Variants in PIK3R2 observed in about 807,000 individuals in gnomAD.
PIK3R2 encodes the protein phosphoinositide-3-kinase regulatory subunit 2.
In PIK3R2, 40 loss-of-function variants were observed where a neutral mutation model predicts 78.5. The observed-to-expected ratio is 0.51, with a 90% CI of 0.40 to 0.66. PIK3R2 has a LOEUF of 0.66. PIK3R2 is among the 30% of genes least tolerant of loss of function. The pLI is 0.00. For missense variants in PIK3R2, 880 were observed against 1,026.6 expected, an observed-to-expected ratio of 0.86 and a Z score of 1.95; for synonymous variants, 473 against 457.7, an observed-to-expected ratio of 1.03 and a Z score of -0.43.
In PIK3R2 at chr19:18,160,531, T is replaced by C. The variant is rs749206374; in HGVS notation, c.383T>C (p.Leu128Pro). The C allele has an allele frequency of 1.2e-6, 2 of 1,613,830 alleles. No individual in the cohort carries two copies. Among genetic ancestry groups the C allele is most frequent in the Admixed American group, 3.3e-5 (2 of 60,004 alleles). The change falls in exon 3 of 16, where the codon CTG becomes CCG. Residue 128 changes from leucine to proline, a missense_variant. Physicochemically the swap from Leu to Pro is moderately conservative, Grantham distance 98. Transcript: ENST00000222254. ...CCACCTGATGTGGCTCCCCCTCTTCTGGTGAAGCTTGTGGAGGCCATTGAA... is the reference window on the plus strand; with the variant it reads ...CCACCTGATGTGGCTCCCCCTCTTCCGGTGAAGCTTGTGGAGGCCATTGAA... ...FSPPDVAPPL[L>P]VKLVEAIERT... is the part of the protein sequence containing the mutation.
In PIK3R2 at chr19:18,169,301, A is replaced by G. The variant is rs2147961054; in HGVS notation, c.*7A>G. 2.1e-6 allele frequency: 3 copies of G among 1,456,652 alleles called. No individual in the cohort carries two copies. The highest frequency in any genetic ancestry group is 2.7e-6 in the Non-Finnish European group (3 of 1,111,050). The allele number at this position is 1,456,652 out of a possible 1,614,324, so 90.2% of individuals were successfully genotyped here. On this transcript the variant is annotated 3_prime_UTR_variant, in exon 16 of 16. Transcript: ENST00000222254. ...GCCGCCTGCCGCCCGCTGAGCACCG[A>G]GGACCCGCCCCAAGCAGAGCCGCCC...
At position 18,163,014 on chromosome 19, in the gene PIK3R2, A is replaced by G. The variant is rs750258489; in HGVS notation, c.1157A>G (p.His386Arg). The G allele has an allele frequency of 5.0e-6, 8 of 1,613,782 alleles. No homozygotes were observed. The highest frequency in any genetic ancestry group is 1.7e-5 in the Admixed American group (1 of 59,968). The stretch of plus-strand genomic sequence containing the variant: ...ATCAAGGTCTTCCACCGAGATGGGC[A>G]CTATGGCTTCTCAGAGCCACTCACC... ...KLIKVFHRDG[H>R]YGFSEPLTFC... Residue 386 changes from histidine (H) to arginine (R), a missense_variant, in exon 10 of 16, where the codon CAC (histidine) becomes CGC (arginine). By Grantham distance (29) the His-to-Arg change is conservative. This residue lies in a region of PIK3R2 where 156 missense variants were observed against 241.0 expected (regional missense o/e 0.65). Coordinates refer to ENST00000222254, the MANE Select transcript of PIK3R2 (RefSeq NM_005027.4).
At chr19:18,157,381 G>A (rs1265791634) in intron 2 of PIK3R2, among the ~76,000 whole-genome samples, 8 of 151,688 alleles carry the variant, frequency 5.3e-5, no homozygotes, top group Admixed American at 5.2e-4. Context: ...ACGTGGGGCG[G>A]CTGCCCAGCC....
chr19:18,156,211 A>G lies in PIK3R2; in HGVS notation c.322+10A>G, dbSNP rs1263740425. ...GGGGCCCCTGAGCCAGGTGAGCAGC[A>G]AGCAGGGGCCCTGGAAAGGGGGGTG... On this transcript the variant is annotated intron_variant, in intron 2 of 15. Transcript: ENST00000222254. The surrounding 1 kb of genome is among the most constrained non-coding windows in gnomAD (Gnocchi z 4.2). The G allele has an allele frequency of 6.8e-7, 1 of 1,466,266 alleles. No individual in the cohort carries two copies. Among genetic ancestry groups the G allele is most frequent in the Non-Finnish European group, 9.0e-7 (1 of 1,115,238 alleles). 90.8% of individuals were successfully genotyped at this position (1,466,266 alleles called of 1,614,324 possible).
Position 18,161,991 on chromosome 19 carries a change from G to T in PIK3R2, c.841G>T (p.Ala281Ser), listed in dbSNP as rs773461293. Residue 281 changes from alanine (A) to serine (S), a missense_variant, in exon 7 of 16, where the codon GCG becomes TCG. By Grantham distance (99) the Ala-to-Ser change is moderately conservative. Around this residue, in one of 3 missense-constraint regions of PIK3R2, gnomAD observed 456 missense variants for 486.6 expected, o/e 0.94. Coordinates refer to ENST00000222254, the MANE Select transcript of PIK3R2 (RefSeq NM_005027.4). The surrounding 1 kb of genome is among the most constrained non-coding windows in gnomAD (Gnocchi z 5.3). ...DGSEPSPDFP[A>S]LLVEKLLQEH... The stretch of plus-strand genomic sequence containing the variant: ...GAGTGAGCCCAGCCCTGACTTCCCG[G>T]CGCTGCTGGTGGAGAAGCTGCTTCA... The T allele has an allele frequency of 6.2e-7, 1 of 1,614,006 alleles. No homozygotes were observed.
Position 18,168,762 on chromosome 19 carries a change from G to A in PIK3R2, c.1845G>A (p.Pro615=), listed in dbSNP as rs201568661. The A allele has an allele frequency of 1.4e-4, 213 of 1,549,024 alleles. No individual in the cohort carries two copies. In the Admixed American group the frequency reaches 2.0e-3, roughly 15 times the overall value. The part of the protein sequence containing the change: ...YALMEDEDDL[P]HHEERTWYVG... ...TCATGGAGGACGAGGACGATCTCCC[G>A]CACCACGAGGAACGCACTTGGTACG... The change falls in exon 15 of 16, where the codon CCG becomes CCA. Residue 615 remains proline (P), a synonymous_variant. Coordinates refer to ENST00000222254, the MANE Select transcript of PIK3R2 (RefSeq NM_005027.4). The surrounding 1 kb of genome is among the most constrained non-coding windows in gnomAD (Gnocchi z 4.1).
chr19:18,167,153 T>C lies in PIK3R2; in HGVS notation c.1583T>C (p.Leu528Pro). Residue 528 changes from leucine (L) to proline (P), a missense_variant, in exon 13 of 16, where the codon CTC becomes CCC. Around this residue, in one of 3 missense-constraint regions of PIK3R2, gnomAD observed 268 missense variants for 299.1 expected, o/e 0.90. Coordinates refer to ENST00000222254, the MANE Select transcript of PIK3R2 (RefSeq NM_005027.4). This position sits in a 1 kb window ranked among gnomAD's most constrained non-coding sequence, Gnocchi z 4.5. ...MQRILLNSERLKSRIAEIHES... is the reference protein window; with the variant it reads ...MQRILLNSERPKSRIAEIHES... ...AGGATCCTGCTGAACTCCGAGCGGCTCAAGTCCCGCATTGCCGAGATCCAT... is the reference window on the plus strand; with the variant it reads ...AGGATCCTGCTGAACTCCGAGCGGCCCAAGTCCCGCATTGCCGAGATCCAT... The C allele has an allele frequency of 6.3e-7, 1 of 1,597,932 alleles. No homozygotes were observed. The highest frequency in any genetic ancestry group is 8.5e-7 in the Non-Finnish European group (1 of 1,172,210).
In PIK3R2 at chr19:18,166,305, G is replaced by A; in HGVS notation, c.1559+3G>A. On this transcript the variant is annotated splice_donor_region_variant and intron_variant, in intron 12 of 15. Coordinates refer to ENST00000222254, the MANE Select transcript of PIK3R2 (RefSeq NM_005027.4). ...GGCAACGAGAAAGAGATGCAAAGGT[G>A]AGTCTGGCGCCTCTGCCCTGCCCCA... The A allele has an allele frequency of 1.2e-6, 2 of 1,613,564 alleles. No homozygotes were observed. Among genetic ancestry groups the A allele is most frequent in the South Asian group, 2.2e-5 (2 of 91,058 alleles).
Position 18,160,561 on chromosome 19 carries a change from C to G in PIK3R2, c.413C>G (p.Thr138Arg). ...LVKLVEAIER[T>R]GLDSESHYRP... ...AAGCTTGTGGAGGCCATTGAAAGGACAGGTAAGTTCCAGCCTGGCTGCAGC... is the reference window on the plus strand; with the variant it reads ...AAGCTTGTGGAGGCCATTGAAAGGAGAGGTAAGTTCCAGCCTGGCTGCAGC... The change falls in exon 3 of 16, where the codon ACA becomes AGA. Residue 138 changes from threonine (T) to arginine (R), a missense_variant and splice_region_variant. By Grantham distance (71) the Thr-to-Arg change is moderately conservative. Transcript: ENST00000222254. 4 of 1,611,176 alleles carry G rather than the reference C, an allele frequency of 2.5e-6. No individual in the cohort carries two copies. Among genetic ancestry groups the G allele is most frequent in the Non-Finnish European group, 3.4e-6 (4 of 1,177,706 alleles).
rs2043744576 is a variant in PIK3R2 at position 18,161,413 on chromosome 19, G to T, written c.733G>T (p.Ala245Ser). Residue 245 changes from alanine to serine, a missense_variant, in exon 6 of 16, where the codon GCC (alanine) becomes TCC (serine). Ala to Ser is a moderately conservative substitution (Grantham distance 99). This residue lies in a region of PIK3R2 where 456 missense variants were observed against 486.6 expected (regional missense o/e 0.94). Coordinates refer to ENST00000222254, the MANE Select transcript of PIK3R2 (RefSeq NM_005027.4). The surrounding 1 kb of genome is among the most constrained non-coding windows in gnomAD (Gnocchi z 5.3). ...CCCGGCCCTGGGTCCCGCGGTCCGG[G>T]CCCTGGGCGCCACCTTTGGGCCGCT... ...RAPALGPAVRALGATFGPLLL... is the reference protein window; with the variant it reads ...RAPALGPAVRSLGATFGPLLL... 1 of 1,213,014 alleles carries T rather than the reference G, an allele frequency of 8.2e-7. No individual in the cohort carries two copies. Among genetic ancestry groups the T allele is most frequent in the East Asian group, 3.6e-5 (1 of 28,020 alleles). 75.1% of individuals were successfully genotyped at this position (1,213,014 alleles called of 1,614,324 possible).
At position 18,155,888 on chromosome 19, in the gene PIK3R2, C is replaced by T. The variant is rs777038649; in HGVS notation, c.9C>T (p.Gly3=). The change falls in exon 2 of 16, where the codon GGC becomes GGT. Residue 3 remains glycine, a synonymous_variant. Transcript: ENST00000222254. ...ACCCCACTCACGCGGCCATGGCGGG[C>T]CCTGAGGGCTTCCAGTACCGCGCTC... MA[G]PEGFQYRALY... is the part of the protein sequence containing the mutation. The T allele has an allele frequency of 2.6e-6, 4 of 1,551,182 alleles. No homozygotes were observed. Among genetic ancestry groups the T allele is most frequent in the South Asian group, 2.4e-5 (2 of 84,176 alleles).
chr19:18,155,360 T>G (rs1204516018), intron 1 of PIK3R2, 97 bp from the exon 2 acceptor site: 1 of 351,868 alleles, frequency 2.8e-6, no homozygotes, highest in Non-Finnish European at 5.1e-6. Flanking sequence ...GGTCACCCAG[T>G]GATTCAGGGA....
chr19:18,169,543 C>T lies in PIK3R2; in HGVS notation c.*249C>T, dbSNP rs1308580917. The T allele has an allele frequency of 3.1e-6, 1 of 327,630 alleles. No homozygotes were observed. Among genetic ancestry groups the T allele is most frequent in the African/African-American group, 2.2e-5 (1 of 45,890 alleles). The allele number at this position is 327,630 out of a possible 1,614,324, so 20.3% of individuals were successfully genotyped here. ...TCCATGTTGGGGGTCCTAACTCCCC[C>T]ACCCCATATCTACGTGTCCTCCGGG... On this transcript the variant is annotated 3_prime_UTR_variant, in exon 16 of 16. Transcript: ENST00000222254.
chr19:18,157,302 G>T lies in PIK3R2; in HGVS notation c.322+1101G>T, dbSNP rs528078510. Among the ~76,000 whole-genome samples the T allele has an allele frequency of 1.6e-4, 24 of 152,292 alleles. No homozygotes were observed. In the South Asian group the frequency reaches 4.6e-3, roughly 29 times the overall value. ...CCGTCTGGGCTCCCAGCCAGAATCT[G>T]CCTCTCCCCCTGGTAACAGCCACCT... On this transcript the variant is annotated intron_variant, in intron 2 of 15. Coordinates refer to ENST00000222254, the MANE Select transcript of PIK3R2 (RefSeq NM_005027.4).
Position 18,169,624 on chromosome 19 carries a change from TC to T in PIK3R2, c.*335del. The T allele has an allele frequency of 3.9e-6, 1 of 256,718 alleles. No homozygotes were observed. Among genetic ancestry groups the T allele is most frequent in the Admixed American group, 5.5e-5 (1 of 18,084 alleles). 15.9% of individuals were successfully genotyped at this position (256,718 alleles called of 1,614,324 possible). On this transcript the variant is annotated 3_prime_UTR_variant, in exon 16 of 16. Transcript: ENST00000222254. ...GACCCTCTGCCCTGCCCACCGCAGG[TC>T]CCCCGGGGTCCCGGAAGCCCCTTCT...
intron 1 of PIK3R2, among the ~76,000 whole-genome samples, chr19:18,153,974 C>T (rs1351566343): frequency 6.6e-6 from 1 of 152,176 alleles, no homozygotes; most frequent in East Asian, 1.9e-4. Context: ...CCTGCTCGGA[C>T]ACCTCTTGGG....
chr19:18,162,033 C>CAGGAGGTTGCGCCCCCAGGTG lies in PIK3R2; in HGVS notation c.886_901+5dup. ...GCTGCTTCAGGAACACTTGGAAGAG[C>CAGGAGGTTGCGCCCCCAGGTG]AGGAGGTTGCGCCCCCAGGTGAGTC... On this transcript the variant is annotated inframe_insertion, in exon 7 of 16. Transcript: ENST00000222254. 4 of 1,613,908 alleles carry CAGGAGGTTGCGCCCCCAGGTG rather than the reference C, an allele frequency of 2.5e-6. No homozygotes were observed. Among genetic ancestry groups the CAGGAGGTTGCGCCCCCAGGTG allele is most frequent in the Non-Finnish European group, 3.4e-6 (4 of 1,179,912 alleles).
intron 11 of PIK3R2, 50 bp from the exon 12 acceptor site, chr19:18,166,110 G>A: frequency 6.2e-7 from 1 of 1,612,144 alleles, no homozygotes; most frequent in Non-Finnish European, 8.5e-7. Flanking sequence ...CCCCTCACGA[G>A]GGCCTTTTGG....
chr19:18,153,672 G>T (rs2043646219), intron 1 of PIK3R2, among the ~76,000 whole-genome samples: 1 of 152,180 alleles, frequency 6.6e-6, no homozygotes. Flanking sequence ...CGGTCCCCTA[G>T]CCGGGTGGCC....
Sources: allele counts gnomAD v4.1 joint callset (sites outside exome capture counted in the v4.1 genomes callset), GRCh38; gene constraint gnomAD v4.1.1; regional missense constraint gnomAD v4.1.1; non-coding constraint Gnocchi (gnomAD v3.1); transcripts MANE v1.5; gene names NCBI Gene and HGNC (gene_info 2026-07-23, HGNC 2026-07-21).